The following EIF4G3 variants were observed in gnomAD, a reference collection of about 807,000 sequenced individuals.
EIF4G3 encodes eukaryotic translation initiation factor 4 gamma 3.
In EIF4G3, 34 loss-of-function variants were observed where a neutral mutation model predicts 186.4. The ratio of observed to expected loss-of-function variants is 0.18; its 90% CI spans 0.14 to 0.24. The LOEUF is 0.24. Ranked by LOEUF, EIF4G3 falls within the 10% of genes least tolerant of loss-of-function variation. The probability of loss-of-function intolerance (pLI) is 1.00; values close to 1 mark genes in which losing one functional copy is unlikely to be tolerated. For synonymous variants in EIF4G3, 673 were observed against 679.5 expected (o/e 0.99, Z 0.15); for missense variants, 1,536 against 1,948.5 (o/e 0.79, Z 3.99).
At chr1:20,869,302 T>A (rs899079154) in intron 20 of EIF4G3, among the ~76,000 whole-genome samples, 9 of 149,178 alleles carry the variant, frequency 6.0e-5, no homozygotes, top group Non-Finnish European at 8.9e-5. Context: ...TAGTTTACTT[T>A]AAAATTTTTT....
chr1:21,082,344 G>C (rs1013167807), intron 3 of EIF4G3, among the ~76,000 whole-genome samples: 1 of 151,544 alleles, frequency 6.6e-6, no homozygotes, highest in Admixed American at 6.6e-5. Context: ...CAGCATATTC[G>C]GAGGCCAAGG....
intron 28 of EIF4G3, among the ~76,000 whole-genome samples, chr1:20,849,821 G>A (rs1398977706): frequency 6.6e-6 from 1 of 152,140 alleles, no homozygotes; most frequent in South Asian, 2.1e-4. Context: ...AAGATGAAGA[G>A]TACATGAGGT....
At chr1:21,148,122 G>A (rs567393854) in intron 2 of EIF4G3, among the ~76,000 whole-genome samples, 13 of 152,254 alleles carry the variant, frequency 8.5e-5, no homozygotes, top group African/African-American at 3.1e-4. Flanking sequence ...GCTGGAATGT[G>A]CAATAGCACA....
intron 34 of EIF4G3, 83 bp from the exon 35 acceptor site, chr1:20,813,322 G>T: frequency 1.1e-6 from 1 of 939,956 alleles, no homozygotes; most frequent in East Asian, 2.7e-5. Context: ...CCAACACTTT[G>T]GGAGGCCGAG....
intron 2 of EIF4G3, among the ~76,000 whole-genome samples, chr1:21,126,232 A>T (rs12746911): frequency 0.033 from 4,521 of 138,336 alleles, 93 homozygotes; most frequent in Non-Finnish European, 0.045. Context: ...AATTAAAATT[A>T]AAAAAAAAAA....
chr1:21,014,792 C>G (rs181674399), intron 4 of EIF4G3, among the ~76,000 whole-genome samples: 1 of 152,112 alleles, frequency 6.6e-6, no homozygotes, highest in Admixed American at 6.5e-5. Flanking sequence ...CACTACCACA[C>G]CCGGCTAGTT....
chr1:21,156,590 T>G (rs1185884034), intron 2 of EIF4G3, among the ~76,000 whole-genome samples: 1 of 152,206 alleles, frequency 6.6e-6, no homozygotes, highest in African/African-American at 2.4e-5. Context: ...TCCTACATCT[T>G]TCTTACTCTA....
chr1:20,852,083 G>C (rs770553677), intron 27 of EIF4G3, among the ~76,000 whole-genome samples: 1 of 152,146 alleles, frequency 6.6e-6, no homozygotes, highest in Non-Finnish European at 1.5e-5. Context: ...TTTTACTCTT[G>C]TTGCCCAGGC....
chr1:20,862,485 G>A (rs182530091), intron 22 of EIF4G3, among the ~76,000 whole-genome samples, 153 bp from the exon 23 acceptor site: 8 of 152,206 alleles, frequency 5.3e-5, no homozygotes, highest in Admixed American at 3.3e-4. Context: ...GCACAATCAC[G>A]GCTCACTGCA....
intron 20 of EIF4G3, among the ~76,000 whole-genome samples, chr1:20,874,547 A>G (rs1398522195): frequency 1.3e-5 from 2 of 152,262 alleles, no homozygotes; most frequent in African/African-American, 2.4e-5. Context: ...TGAACTGCCC[A>G]TATTTTTATT....
intron 4 of EIF4G3, among the ~76,000 whole-genome samples, chr1:21,015,353 C>CA (rs746047387): frequency 8.6e-5 from 13 of 151,016 alleles, no homozygotes; most frequent in Non-Finnish European, 1.6e-4. Context: ...AAGATTATTT[C>CA]AAAAAAAATA....
At chr1:20,891,148 C>T (rs980550625) in intron 18 of EIF4G3, among the ~76,000 whole-genome samples, 3 of 152,194 alleles carry the variant, frequency 2.0e-5, no homozygotes, top group Admixed American at 6.5e-5. Context: ...TTTTGAAAAT[C>T]ATTTTCTATT....
intron 12 of EIF4G3, among the ~76,000 whole-genome samples, chr1:20,967,727 A>G (rs1014327826): frequency 3.9e-5 from 6 of 152,180 alleles, no homozygotes; most frequent in Non-Finnish European, 8.8e-5. Context: ...GCTGTTTGTG[A>G]TTTTGATATT....
chr1:20,809,833 A>G (rs1054472011), intron 36 of EIF4G3, among the ~76,000 whole-genome samples: 2 of 152,270 alleles, frequency 1.3e-5, no homozygotes, highest in Non-Finnish European at 2.9e-5. Context: ...CATGTGGCTC[A>G]TGATTACCAT....
At chr1:21,031,408 A>C (rs1431844881) in intron 4 of EIF4G3, among the ~76,000 whole-genome samples, 1 of 145,922 alleles carries the variant, frequency 6.9e-6, no homozygotes, top group Non-Finnish European at 1.5e-5. Context: ...AAAAAGAGGG[A>C]GAGAGAGCTG....
At chr1:20,889,692 G>A (rs907958625) in intron 18 of EIF4G3, among the ~76,000 whole-genome samples, 3 of 151,872 alleles carry the variant, frequency 2.0e-5, no homozygotes, top group African/African-American at 4.8e-5. Context: ...GGGTTTCACC[G>A]TGTTAGCCAG....
At chr1:20,872,406 A>G (rs1241802710) in intron 20 of EIF4G3, among the ~76,000 whole-genome samples, 1 of 152,148 alleles carries the variant, frequency 6.6e-6, no homozygotes, top group South Asian at 2.1e-4. Flanking sequence ...TATTGGCATG[A>G]GCCACCACAG....
chr1:20,828,205 G>C (rs913917726), intron 31 of EIF4G3, among the ~76,000 whole-genome samples: 24 of 151,904 alleles, frequency 1.6e-4, no homozygotes, highest in Admixed American at 2.6e-4. Flanking sequence ...GATAATTTTT[G>C]CATTTTAGTA....
chr1:20,912,083 C>T (rs1277565228), intron 14 of EIF4G3, among the ~76,000 whole-genome samples: 4 of 152,082 alleles, frequency 2.6e-5, no homozygotes, highest in Admixed American at 2.6e-4. Flanking sequence ...CAAGACCAGC[C>T]TGGGCAACAC....
Sources: gnomAD v4.1 joint callset for allele counts (sites outside exome capture counted in the v4.1 genomes callset) on GRCh38, gnomAD v4.1.1 for gene constraint, MANE v1.5 for transcripts, NCBI Gene and HGNC (gene_info 2026-07-23, HGNC 2026-07-21) for gene names.